The following ZC3H13 variants were observed in gnomAD, a reference collection of about 807,000 sequenced individuals.
ZC3H13 encodes zinc finger CCCH-type containing 13, also known as zinc finger CCCH domain-containing protein 13.
Under a neutral mutation model 204.1 loss-of-function variants are expected in ZC3H13, and 64 were observed. That is an observed-to-expected ratio of 0.31 (90% CI 0.26 to 0.39). The LOEUF (loss-of-function observed/expected upper bound fraction) is 0.39. Ranked by LOEUF, ZC3H13 falls within the 10% of genes least tolerant of loss-of-function variation. The pLI is 1.00. For missense variants in ZC3H13, 1,833 were observed against 2,082.7 expected, an observed-to-expected ratio of 0.88 and a Z score of 2.33; for synonymous variants, 667 against 693.7, an observed-to-expected ratio of 0.96 and a Z score of 0.60.
chr13:46,040,932 A>G (rs1171088724), intron 4 of ZC3H13, among the ~76,000 whole-genome samples: 1 of 152,214 alleles, frequency 6.6e-6, no homozygotes, highest in Non-Finnish European at 1.5e-5. Flanking sequence ...GTTAGATAAC[A>G]AAAGTGTTGG....
intron 8 of ZC3H13, chr13:46,001,233 CACA>C (rs971220632): frequency 2.6e-5 from 4 of 152,130 alleles, no homozygotes; most frequent in African/African-American, 7.2e-5. Context: ...TGTAAAAATA[CACA>C]ACATCTGTGA....
chr13:46,020,408 A>G (rs765818292), intron 5 of ZC3H13, 41 bp downstream of exon 5: 1 of 1,476,712 alleles, frequency 6.8e-7, no homozygotes, highest in Non-Finnish European at 9.4e-7. Flanking sequence ...GAAAGTAAAT[A>G]ATCAAGAATT....
rs761069704 is a variant in ZC3H13 at position 45,969,537 on chromosome 13, T to C, written c.3007A>G (p.Ile1003Val). ...TTGGATTTTTTACGTTTTTTTTCAATGCTTTTCTTTTTCTGTCCTTTTTTT... is the reference window on the plus strand; with the variant it reads ...TTGGATTTTTTACGTTTTTTTTCAACGCTTTTCTTTTTCTGTCCTTTTTTT... ...SPKKGQKKKSIEKKRKKSKGD... is the reference protein window; with the variant it reads ...SPKKGQKKKSVEKKRKKSKGD... The change falls in exon 14 of 19, where the codon ATT (isoleucine) becomes GTT (valine). Residue 1003 changes from isoleucine (I) to valine (V), a missense_variant. Physicochemically the swap from Ile to Val is conservative, Grantham distance 29 (BLOSUM62 3). Around this residue, in one of 5 missense-constraint regions of ZC3H13, gnomAD observed 1,574 missense variants for 1,757.2 expected, o/e 0.90. Transcript: ENST00000679008. 2 of 1,606,146 alleles carry C rather than the reference T, an allele frequency of 1.2e-6. No homozygotes were observed. The highest frequency in any genetic ancestry group is 1.7e-6 in the Non-Finnish European group (2 of 1,178,112).
intron 4 of ZC3H13, among the ~76,000 whole-genome samples, chr13:46,032,662 GAC>G (rs971630661): frequency 6.6e-6 from 1 of 152,058 alleles, no homozygotes; most frequent in African/African-American, 2.4e-5. Flanking sequence ...ATTTCCCTAA[GAC>G]ACAGACACAA....
chr13:46,029,515 G>A (rs1438887764), intron 4 of ZC3H13, among the ~76,000 whole-genome samples: 22 of 145,364 alleles, frequency 1.5e-4, no homozygotes, highest in African/African-American at 4.3e-4. Flanking sequence ...TGCAAGCTCC[G>A]CCTCCCGGGT....
intron 17 of ZC3H13, chr13:45,962,831 A>T: frequency 1.0e-6 from 1 of 985,300 alleles, no homozygotes; most frequent in South Asian, 4.7e-5. Context: ...CCTTCTTTTT[A>T]CCATCTACTC....
chr13:45,989,536 A>T (rs2039817769), intron 8 of ZC3H13, among the ~76,000 whole-genome samples: 1 of 152,242 alleles, frequency 6.6e-6, no homozygotes, highest in African/African-American at 2.4e-5. Flanking sequence ...GTAAAAGGGG[A>T]GGTAGCATCA....
At chr13:46,043,997 T>G (rs1296261708) in intron 3 of ZC3H13, among the ~76,000 whole-genome samples, 1 of 151,946 alleles carries the variant, frequency 6.6e-6, no homozygotes, top group Non-Finnish European at 1.5e-5. Context: ...CTTCCCACAT[T>G]AACGGAAGTG....
At chr13:45,987,319 A>C (rs1455017608) in intron 9 of ZC3H13, among the ~76,000 whole-genome samples, 1 of 152,120 alleles carries the variant, frequency 6.6e-6, no homozygotes, top group Non-Finnish European at 1.5e-5. Flanking sequence ...TTCCTATGAG[A>C]CTCAATTGCT....
chr13:45,988,210 T>C (rs988590566), intron 9 of ZC3H13, among the ~76,000 whole-genome samples: 3 of 152,142 alleles, frequency 2.0e-5, no homozygotes, highest in Non-Finnish European at 4.4e-5. Flanking sequence ...GCCAAAAATT[T>C]CTAGAACTTG....
At chr13:46,029,427 C>CTTTT (rs964729202) in intron 4 of ZC3H13, among the ~76,000 whole-genome samples, 1 of 138,820 alleles carries the variant, frequency 7.2e-6, no homozygotes, top group Non-Finnish European at 1.6e-5. Flanking sequence ...TGGACTACTT[C>CTTTT]TTTTTTTTTT....
At chr13:45,963,183 A>G in intron 17 of ZC3H13, 1 of 971,890 alleles carries the variant, frequency 1.0e-6, no homozygotes, top group Non-Finnish European at 1.2e-6. Context: ...ATTAAGTAAT[A>G]GCCAGTAAGT....
Position 46,003,181 on chromosome 13 carries a change from C to T in ZC3H13, c.902G>A (p.Gly301Glu), listed in dbSNP as rs138164827. 147 of 1,612,566 alleles carry T rather than the reference C, an allele frequency of 9.1e-5. No individual in the cohort carries two copies. The highest frequency in any genetic ancestry group is 1.2e-4 in the Non-Finnish European group (145 of 1,179,784). ...TTCTCTTTGTCGTTCAAAATCTCGT[C>T]CTCTGTCCTTTCCATCTCTTGTTTT... Reference protein sequence around the residue: ...EEKTRDGKDRGRDFERQREKR... With the variant: ...EEKTRDGKDRERDFERQREKR... Residue 301 changes from glycine to glutamate, a missense_variant, in exon 8 of 19, where the codon GGA (glycine) becomes GAA (glutamate). By Grantham distance (98) the Gly-to-Glu change is moderately conservative (BLOSUM62 -2). Coordinates refer to ENST00000679008, the MANE Select transcript of ZC3H13 (RefSeq NM_001330564.2).
intron 4 of ZC3H13, among the ~76,000 whole-genome samples, chr13:46,023,744 G>A (rs1396082581): frequency 1.3e-5 from 2 of 152,124 alleles, no homozygotes; most frequent in Non-Finnish European, 2.9e-5. Flanking sequence ...AGGCCTAAGT[G>A]ACTTAGTAAC....
chr13:45,962,954 T>C (rs1593446521), intron 17 of ZC3H13: 2 of 985,352 alleles, frequency 2.0e-6, no homozygotes, highest in Non-Finnish European at 2.4e-6. Context: ...CCAGAATCCA[T>C]AAGCTAGATA....
intron 16 of ZC3H13, among the ~76,000 whole-genome samples, chr13:45,964,743 A>C (rs1951949872): frequency 6.6e-6 from 1 of 152,240 alleles, no homozygotes. Context: ...GGAATGATTC[A>C]AGAGGAATAT....
intron 4 of ZC3H13, among the ~76,000 whole-genome samples, chr13:46,026,966 G>C (rs1459901551): frequency 2.0e-5 from 3 of 152,124 alleles, no homozygotes; most frequent in Admixed American, 2.0e-4. Flanking sequence ...AAATGTAAAA[G>C]CTGATTCTCT....
chr13:45,976,080 T>C (rs1461858258), intron 11 of ZC3H13: 2 of 797,722 alleles, frequency 2.5e-6, no homozygotes, highest in East Asian at 2.5e-4. Flanking sequence ...TCAACCCCCT[T>C]CCCCCCTCCC....
intron 4 of ZC3H13, among the ~76,000 whole-genome samples, chr13:46,040,744 T>A (rs1438895389): frequency 2.0e-5 from 3 of 152,086 alleles, no homozygotes; most frequent in Non-Finnish European, 4.4e-5. Flanking sequence ...AGAACACTTG[T>A]AACTCAATAA....
Sources: allele counts gnomAD v4.1 joint callset (sites outside exome capture counted in the v4.1 genomes callset), GRCh38; gene constraint gnomAD v4.1.1; regional missense constraint gnomAD v4.1.1; transcripts MANE v1.5; gene names NCBI Gene and HGNC (gene_info 2026-07-23, HGNC 2026-07-21).